SGK1: variants seen among roughly 807,000 people sequenced by gnomAD.
SGK1 encodes serum/glucocorticoid regulated kinase 1, also known as serine/threonine-protein kinase Sgk1.
SGK1 carries 26 observed loss-of-function variants against 64.2 expected under a neutral mutation model. The ratio of observed to expected loss-of-function variants is 0.40; its 90% CI spans 0.30 to 0.56. The LOEUF (loss-of-function observed/expected upper bound fraction) is 0.56, where lower values mean the gene tolerates loss of function less well. Ranked by LOEUF, SGK1 falls within the 20% of genes least tolerant of loss-of-function variation. The pLI is 0.38. For synonymous variants in SGK1, 265 were observed against 239.7 expected (o/e 1.11, Z -0.98); for missense variants, 519 against 645.6 (o/e 0.80, Z 2.12).
chr6:134,286,610 G>T (rs1003573299), intron 1 of SGK1, among the ~76,000 whole-genome samples: 2 of 151,784 alleles, frequency 1.3e-5, no homozygotes, highest in African/African-American at 4.8e-5. Context: ...GGGACTACAG[G>T]CTGGGACACG....
rs756269723 is a variant in SGK1 at position 134,172,220 on chromosome 6, T to G, written c.1044A>C (p.Thr348=). The change falls in exon 10 of 14, where the codon ACA becomes ACC. Residue 348 remains threonine, a synonymous_variant. Transcript: ENST00000367858. ...CCGGCGTGCCACAGAAGGTGGATGT[T>G]GTGCTGTTGTGTTCAATGTTCTCCT... ...LCKENIEHNS[T]TSTFCGTPEY... 1.2e-6 allele frequency: 2 copies of G among 1,614,156 alleles called. No individual in the cohort carries two copies. The highest frequency in any genetic ancestry group is 1.7e-6 in the Non-Finnish European group (2 of 1,180,014).
At chr6:134,314,947 C>A (rs548681097) in intron 1 of SGK1, among the ~76,000 whole-genome samples, 1 of 152,010 alleles carries the variant, frequency 6.6e-6, no homozygotes, top group Non-Finnish European at 1.5e-5. Context: ...TTATTCTGAA[C>A]TGCAAACAAA....
chr6:134,299,302 A>T (rs149944694), intron 1 of SGK1, among the ~76,000 whole-genome samples: 18 of 151,912 alleles, frequency 1.2e-4, no homozygotes, highest in African/African-American at 3.9e-4. Context: ...GAGGTCGAGG[A>T]TGCAGTGAGC....
chr6:134,297,263 C>T, intron 1 of SGK1: 1 of 1,239,738 alleles, frequency 8.1e-7, no homozygotes. Context: ...AGGTTGCGAT[C>T]TCAATGTCCA....
At chr6:134,294,679 T>C (rs6920302) in intron 1 of SGK1, among the ~76,000 whole-genome samples, 76,752 of 151,858 alleles carry the variant, frequency 0.51, 19,941 homozygotes, top group East Asian at 0.87. Context: ...GGATTACAGA[T>C]GTGCACCACC....
intron 2 of SGK1, among the ~76,000 whole-genome samples, chr6:134,247,674 T>C (rs914348951): frequency 4.6e-5 from 7 of 152,174 alleles, no homozygotes; most frequent in Non-Finnish European, 7.3e-5. Flanking sequence ...AGGTGCTAGA[T>C]TGATGTACCA....
chr6:134,297,505 T>C (rs1357845728), intron 1 of SGK1: 1 of 578,802 alleles, frequency 1.7e-6, no homozygotes, highest in East Asian at 4.4e-5. Context: ...ATCTTGGAGA[T>C]CTCTGTCTTG....
rs942352430 is a variant in SGK1, at chr6:134,169,333, A to G, written c.*935T>C. On this transcript the variant is annotated 3_prime_UTR_variant, in exon 14 of 14. Transcript: ENST00000367858. ...AGTTGTGTGATGGGATGAGGGAAGG[A>G]TTGTACGTATTATAACCATGTTAAT... The G allele has an allele frequency of 4.6e-5, 7 of 152,684 alleles. No individual in the cohort carries two copies. Among genetic ancestry groups the G allele is most frequent in the Non-Finnish European group, 7.3e-5 (5 of 68,044 alleles). The allele number at this position is 152,684 out of a possible 1,614,324, so 9.5% of individuals were successfully genotyped here.
intron 1 of SGK1, among the ~76,000 whole-genome samples, chr6:134,294,659 T>A (rs1777317707): frequency 6.6e-6 from 1 of 152,148 alleles, no homozygotes; most frequent in Non-Finnish European, 1.5e-5. Flanking sequence ...CTCAGCCTCC[T>A]GAGTAGCTGG....
In SGK1 at chr6:134,213,981, T is replaced by C. The variant is rs561498741; in HGVS notation, c.286-6550A>G. On this transcript the variant is annotated intron_variant, in intron 2 of 13. Transcript: ENST00000367858. ...ACCTATCAACCAACTTTAACAATTA[T>C]CAATATTTTGCTAATCTTATTTTTA... Among the ~76,000 whole-genome samples the C allele has an allele frequency of 1.6e-4, 24 of 152,318 alleles. No homozygotes were observed. In the East Asian group the frequency reaches 4.4e-3, roughly 28 times the overall value.
chr6:134,293,478 G>T (rs758521402), intron 1 of SGK1, among the ~76,000 whole-genome samples: 1 of 152,122 alleles, frequency 6.6e-6, no homozygotes, highest in Non-Finnish European at 1.5e-5. Flanking sequence ...TTACAAACAG[G>T]TTTTGACATT....
In SGK1 at chr6:134,172,657, CT is replaced by C; in HGVS notation, c.947+4del. ...ACTGGTAGCCTGAAGAGCTCTCAGGCTTACCTATAAACGATGTTCAGTGAAT... is the reference window on the plus strand; with the variant it reads ...ACTGGTAGCCTGAAGAGCTCTCAGGCTACCTATAAACGATGTTCAGTGAAT... On this transcript the variant is annotated splice_donor_region_variant and intron_variant, in intron 9 of 13. Coordinates refer to ENST00000367858, the MANE Select transcript of SGK1 (RefSeq NM_001143676.3). 6.3e-7 allele frequency: 1 copy of C among 1,583,728 alleles called. No individual in the cohort carries two copies. Among genetic ancestry groups the C allele is most frequent in the Non-Finnish European group, 8.7e-7 (1 of 1,152,182 alleles).
At position 134,173,347 on chromosome 6, in the gene SGK1, G is replaced by C; in HGVS notation, c.629C>G (p.Ala210Gly). 1.2e-6 allele frequency: 2 copies of C among 1,612,190 alleles called. No individual in the cohort carries two copies. Among genetic ancestry groups the C allele is most frequent in the Non-Finnish European group, 1.7e-6 (2 of 1,178,754 alleles). ...GAACACTTCTTCTGCCTTGTGTCTTGCTAGAAGAACCTGAAATTTCAATTT... is the reference window on the plus strand; with the variant it reads ...GAACACTTCTTCTGCCTTGTGTCTTCCTAGAAGAACCTGAAATTTCAATTT... ...GKGSFGKVLL[A>G]RHKAEEVFYA... Residue 210 changes from alanine (A) to glycine (G), a missense_variant, in exon 7 of 14, where the codon GCA becomes GGA. Physicochemically the swap from Ala to Gly is moderately conservative, Grantham distance 60. This residue lies in a region of SGK1 where 278 missense variants were observed against 408.7 expected (regional missense o/e 0.68). Coordinates refer to ENST00000367858, the MANE Select transcript of SGK1 (RefSeq NM_001143676.3).
intron 1 of SGK1, among the ~76,000 whole-genome samples, chr6:134,308,129 G>A (rs138799421): frequency 2.0e-5 from 3 of 152,094 alleles, no homozygotes; most frequent in East Asian, 1.9e-4. Context: ...TGTACTCATC[G>A]TTTTTTTCCT....
intron 2 of SGK1, among the ~76,000 whole-genome samples, chr6:134,215,800 T>A (rs1328035031): frequency 6.6e-6 from 1 of 152,128 alleles, no homozygotes; most frequent in African/African-American, 2.4e-5. Context: ...GTGGATCACC[T>A]GAGGCTGGGA....
chr6:134,226,340 C>G lies in SGK1; in HGVS notation c.286-18909G>C, dbSNP rs571082889. Among the ~76,000 whole-genome samples the G allele has an allele frequency of 1.9e-4, 28 of 148,760 alleles. No individual in the cohort carries two copies. In the Admixed American group the frequency reaches 1.9e-3, roughly 10 times the overall value. On this transcript the variant is annotated intron_variant, in intron 2 of 13. Coordinates refer to ENST00000367858, the MANE Select transcript of SGK1 (RefSeq NM_001143676.3). ...CAAGCAAATGCTGAATCCTGCCCCCCCTCATCCAAAAAGGTGTTTTTTTTT... is the reference window on the plus strand; with the variant it reads ...CAAGCAAATGCTGAATCCTGCCCCCGCTCATCCAAAAAGGTGTTTTTTTTT...
chr6:134,219,576 C>A (rs571331862), intron 2 of SGK1, among the ~76,000 whole-genome samples: 128 of 151,740 alleles, frequency 8.4e-4, no homozygotes, highest in Non-Finnish European at 1.6e-3. Flanking sequence ...GCCTGACCAA[C>A]ATGGAGAAAT....
Position 134,172,228 on chromosome 6 carries a change from T to C in SGK1, c.1036A>G (p.Asn346Asp). 4 of 1,614,204 alleles carry C rather than the reference T, an allele frequency of 2.5e-6. No individual in the cohort carries two copies. Among genetic ancestry groups the C allele is most frequent in the Non-Finnish European group, 3.4e-6 (4 of 1,180,028 alleles). ...CCACAGAAGGTGGATGTTGTGCTGT[T>C]GTGTTCAATGTTCTCCTTGCAGAGT... ...FGLCKENIEH[N>D]STTSTFCGTP... Residue 346 changes from asparagine to aspartate, a missense_variant, in exon 10 of 14, where the codon AAC (asparagine) becomes GAC (aspartate). Asn to Asp is a conservative substitution (Grantham distance 23, BLOSUM62 1). Coordinates refer to ENST00000367858, the MANE Select transcript of SGK1 (RefSeq NM_001143676.3).
intron 1 of SGK1, among the ~76,000 whole-genome samples, chr6:134,284,474 T>C (rs1304090941): frequency 1.7e-5 from 2 of 119,912 alleles, no homozygotes; most frequent in Non-Finnish European, 3.6e-5. Context: ...TTTGGCTTTT[T>C]CTTTCTTTCT....
Sources: gnomAD v4.1 joint callset for allele counts (sites outside exome capture counted in the v4.1 genomes callset) on GRCh38, gnomAD v4.1.1 for gene constraint, gnomAD v4.1.1 regional missense constraint, MANE v1.5 for transcripts, NCBI Gene and HGNC (gene_info 2026-07-23, HGNC 2026-07-21) for gene names.